DCLK2: variants seen among roughly 807,000 people sequenced by gnomAD.
DCLK2 encodes the protein doublecortin like kinase 2, also known as serine/threonine-protein kinase DCLK2.
A neutral mutation model predicts 78.4 loss-of-function variants in DCLK2; 31 were observed. The observed-to-expected ratio is 0.40, with a 90% CI of 0.30 to 0.53. The LOEUF is 0.53. DCLK2 is among the 20% of genes least tolerant of loss of function. DCLK2 has a pLI of 0.61. For synonymous variants in DCLK2, 407 were observed against 374.9 expected, an observed-to-expected ratio of 1.09 and a Z score of -0.99; for missense variants, 872 against 973.7, an observed-to-expected ratio of 0.90 and a Z score of 1.39.
At chr4:150,090,096 G>A (rs1353971866) in intron 1 of DCLK2, among the ~76,000 whole-genome samples, 1 of 152,166 alleles carries the variant, frequency 6.6e-6, no homozygotes, top group Non-Finnish European at 1.5e-5. Context: ...AACATTTAAA[G>A]TTTTATCATC....
At chr4:150,152,823 G>A (rs1453409491) in intron 2 of DCLK2, among the ~76,000 whole-genome samples, 2 of 152,112 alleles carry the variant, frequency 1.3e-5, no homozygotes, top group Non-Finnish European at 2.9e-5. Context: ...TTATCATGCT[G>A]GTGCTTGAAT....
chr4:150,245,800 C>G (rs891483612), intron 12 of DCLK2, among the ~76,000 whole-genome samples: 15 of 152,192 alleles, frequency 9.9e-5, no homozygotes, highest in African/African-American at 3.6e-4. Flanking sequence ...CACTTTTACA[C>G]TGTTGGTGGG....
chr4:150,114,175 C>T (rs1731903419), intron 2 of DCLK2, among the ~76,000 whole-genome samples: 1 of 151,888 alleles, frequency 6.6e-6, no homozygotes, highest in Admixed American at 6.6e-5. Context: ...TATGGTCTAT[C>T]TTGGAGAATG....
chr4:150,189,520 G>A (rs892892064), intron 2 of DCLK2, among the ~76,000 whole-genome samples: 3 of 152,096 alleles, frequency 2.0e-5, no homozygotes, highest in African/African-American at 7.2e-5. Flanking sequence ...CCTGTGTCTG[G>A]GCAAGTTTCT....
At chr4:150,165,348 G>T (rs530454700) in intron 2 of DCLK2, among the ~76,000 whole-genome samples, 29 of 152,166 alleles carry the variant, frequency 1.9e-4, no homozygotes, top group Admixed American at 1.2e-3. Flanking sequence ...TAAGAATTGG[G>T]TGGTAATTTT....
chr4:150,245,935 C>G (rs1477211419), intron 12 of DCLK2, among the ~76,000 whole-genome samples: 1 of 152,140 alleles, frequency 6.6e-6, no homozygotes, highest in African/African-American at 2.4e-5. Context: ...ATAAATCATG[C>G]TTCTATAAAG....
At chr4:150,126,510 C>T (rs190166702) in intron 2 of DCLK2, among the ~76,000 whole-genome samples, 38 of 152,168 alleles carry the variant, frequency 2.5e-4, no homozygotes, top group African/African-American at 8.9e-4. Flanking sequence ...TATTCCAGGC[C>T]GTGGAGTAAT....
At chr4:150,204,910 T>C (rs549920850) in intron 5 of DCLK2, among the ~76,000 whole-genome samples, 104 of 151,778 alleles carry the variant, frequency 6.9e-4, no homozygotes, top group African/African-American at 2.4e-3. Context: ...AAAAATGGAA[T>C]TTCCTTTGTA....
At chr4:150,212,461 A>T (rs1245935800) in intron 5 of DCLK2, among the ~76,000 whole-genome samples, 1 of 152,182 alleles carries the variant, frequency 6.6e-6, no homozygotes, top group Non-Finnish European at 1.5e-5. Context: ...TTCTTTTGTA[A>T]TTAAGACTAG....
At chr4:150,111,016 G>A (rs1053656034) in intron 2 of DCLK2, among the ~76,000 whole-genome samples, 10 of 151,808 alleles carry the variant, frequency 6.6e-5, no homozygotes, top group Admixed American at 6.6e-4. Context: ...GAGGTTGTTG[G>A]ATCAAATGGT....
Position 150,137,125 on chromosome 4 carries a change from G to A in DCLK2, c.756+34313G>A, listed in dbSNP as rs141266645. Among the ~76,000 whole-genome samples, 519 of 151,768 alleles carry A rather than the reference G, an allele frequency of 3.4e-3. 3 individuals carry two copies. Among genetic ancestry groups the A allele is most frequent in the Middle Eastern group, 0.01 (3 of 294 alleles). Reference sequence around the variant, plus strand: ...GCTTCCCAACTCATTGAGACTATGCGTGGGCCACCATGCCCAGTCTATTTA... The same window carrying A: ...GCTTCCCAACTCATTGAGACTATGCATGGGCCACCATGCCCAGTCTATTTA... On this transcript the variant is annotated intron_variant, in intron 2 of 15. Transcript: ENST00000296550.
chr4:150,123,285 C>G (rs1458063306), intron 2 of DCLK2, among the ~76,000 whole-genome samples: 3 of 152,134 alleles, frequency 2.0e-5, no homozygotes, highest in African/African-American at 7.2e-5. Flanking sequence ...CACTTGAACA[C>G]TTAGAGGCCA....
At chr4:150,120,969 G>A (rs905936421) in intron 2 of DCLK2, among the ~76,000 whole-genome samples, 4 of 152,130 alleles carry the variant, frequency 2.6e-5, no homozygotes, top group African/African-American at 9.7e-5. Context: ...TACTTGGGAG[G>A]CTGAGGCACA....
chr4:150,232,883 A>C, intron 10 of DCLK2, 55 bp downstream of exon 10: 4 of 1,578,130 alleles, frequency 2.5e-6, no homozygotes, highest in Non-Finnish European at 1.7e-6. Context: ...CTTTAAAAGG[A>C]GCACATGCAA....
intron 4 of DCLK2, among the ~76,000 whole-genome samples, chr4:150,198,651 T>C (rs1739235534): frequency 6.6e-6 from 1 of 152,184 alleles, no homozygotes; most frequent in Non-Finnish European, 1.5e-5. Context: ...TTGTCATAAT[T>C]TTGACTGGAC....
chr4:150,141,632 A>G (rs1734108326), intron 2 of DCLK2, among the ~76,000 whole-genome samples: 1 of 152,206 alleles, frequency 6.6e-6, no homozygotes, highest in South Asian at 2.1e-4. Flanking sequence ...CATTGAATGT[A>G]TCTAAGCAGG....
chr4:150,094,434 C>G (rs912640613), intron 1 of DCLK2, among the ~76,000 whole-genome samples: 1 of 152,170 alleles, frequency 6.6e-6, no homozygotes, highest in African/African-American at 2.4e-5. Flanking sequence ...CATTAGACTA[C>G]AAAGTGCGCT....
intron 8 of DCLK2, among the ~76,000 whole-genome samples, chr4:150,230,427 G>A (rs1434175896): frequency 6.6e-6 from 1 of 152,162 alleles, no homozygotes; most frequent in Non-Finnish European, 1.5e-5. Flanking sequence ...CCCAGGGAGA[G>A]GCGAATATAT....
chr4:150,210,594 G>A (rs556079786), intron 5 of DCLK2, among the ~76,000 whole-genome samples: 22 of 152,012 alleles, frequency 1.4e-4, no homozygotes, highest in South Asian at 2.1e-4. Context: ...AGCTGAGATC[G>A]CACCACTGCA....
Sources: gnomAD v4.1 joint callset for allele counts (sites outside exome capture counted in the v4.1 genomes callset) on GRCh38, gnomAD v4.1.1 for gene constraint, MANE v1.5 for transcripts, NCBI Gene and HGNC (gene_info 2026-07-23, HGNC 2026-07-21) for gene names.